ZNRF3: variants seen among roughly 807,000 people sequenced by gnomAD.
The protein encoded by ZNRF3 is E3 ubiquitin-protein ligase ZNRF3.
ZNRF3 carries 23 observed loss-of-function variants against 72.5 expected under a neutral mutation model. The ratio of observed to expected loss-of-function variants is 0.32; its 90% CI spans 0.23 to 0.45. ZNRF3 has a LOEUF of 0.45. Among genes scored for constraint, ZNRF3 ranks in the 20% least tolerant of loss-of-function variants. ZNRF3 has a pLI of 1.00. For missense variants in ZNRF3, 1,169 were observed against 1,272.1 expected (o/e 0.92, Z 1.23); for synonymous variants, 610 against 545.3 (o/e 1.12, Z -1.65).
chr22:28,938,744 G>C (rs750185162), intron 1 of ZNRF3, among the ~76,000 whole-genome samples: 1 of 152,072 alleles, frequency 6.6e-6, no homozygotes, highest in Non-Finnish European at 1.5e-5. Flanking sequence ...TATAGCTGAG[G>C]GGAGATGTAT....
In ZNRF3 at chr22:28,966,867, C is replaced by CTTTTTTTTT. The variant is rs530036984; in HGVS notation, c.301-20195_301-20187dup. Among the ~76,000 whole-genome samples the CTTTTTTTTT allele has an allele frequency of 9.4e-4, 96 of 102,434 alleles. 8 individuals are homozygous for CTTTTTTTTT. The highest frequency in any genetic ancestry group is 3.6e-3 in the African/African-American group (90 of 25,040). The allele number at this position is 102,434 out of a possible 152,430, so 67.2% of individuals were successfully genotyped here. A position where few individuals can be genotyped will look rare whatever the true frequency, so the allele number is the denominator to read the frequency against. On this transcript the variant is annotated intron_variant, in intron 1 of 8. Coordinates refer to ENST00000544604, the MANE Select transcript of ZNRF3 (RefSeq NM_001206998.2). The stretch of plus-strand genomic sequence containing the variant: ...GTTACAGGCACATAGTTTTAAAAAT[C>CTTTTTTTTT]TTTTTTTTTTTTTTTTTTTTTTGAG...
At chr22:28,923,886 G>A (rs1569247456) in intron 1 of ZNRF3, among the ~76,000 whole-genome samples, 2 of 152,264 alleles carry the variant, frequency 1.3e-5, no homozygotes, top group Non-Finnish European at 2.9e-5. Flanking sequence ...GGTCTGGGGT[G>A]GAGCCCAAGT....
At chr22:29,040,212 C>T (rs1341214570) in intron 2 of ZNRF3, among the ~76,000 whole-genome samples, 1 of 151,622 alleles carries the variant, frequency 6.6e-6, no homozygotes, top group Non-Finnish European at 1.5e-5. Context: ...CAGAGTCTCA[C>T]TCTGTCGCCC....
chr22:28,980,853 T>A (rs2123822321), intron 1 of ZNRF3, among the ~76,000 whole-genome samples: 1 of 152,314 alleles, frequency 6.6e-6, no homozygotes, highest in Middle Eastern at 3.4e-3. Flanking sequence ...TCTATTTGAT[T>A]TTTTTCTTTA....
At chr22:28,937,947 C>T (rs1396664587) in intron 1 of ZNRF3, among the ~76,000 whole-genome samples, 1 of 152,220 alleles carries the variant, frequency 6.6e-6, no homozygotes, top group Non-Finnish European at 1.5e-5. Context: ...GTATACCCAG[C>T]ACCCAGTTTC....
At chr22:28,995,603 A>G (rs2036033560) in intron 2 of ZNRF3, among the ~76,000 whole-genome samples, 1 of 152,182 alleles carries the variant, frequency 6.6e-6, no homozygotes, top group Non-Finnish European at 1.5e-5. Context: ...CAAACCTCTC[A>G]GAATTTGGGC....
At chr22:29,041,042 G>A (rs375078469) in intron 2 of ZNRF3, among the ~76,000 whole-genome samples, 2 of 152,110 alleles carry the variant, frequency 1.3e-5, no homozygotes, top group Non-Finnish European at 1.5e-5. Flanking sequence ...TCATTTGCGC[G>A]TCTTATAGAA....
chr22:28,951,052 TA>T lies in ZNRF3; in HGVS notation c.301-36017del, dbSNP rs538930477. Among the ~76,000 whole-genome samples, 120 of 152,324 alleles carry T rather than the reference TA, an allele frequency of 7.9e-4. No individual in the cohort carries two copies. In the East Asian group the frequency reaches 0.013, roughly 16 times the overall value. On this transcript the variant is annotated intron_variant, in intron 1 of 8. Transcript: ENST00000544604. Reference sequence around the variant, plus strand: ...TCTCTCCCACATCTTTCTACCCACTTAAAAAAATTATTCATTTAACTTATTC... The same window carrying T: ...TCTCTCCCACATCTTTCTACCCACTTAAAAAATTATTCATTTAACTTATTC...
chr22:28,964,183 C>CT (rs1313584202), intron 1 of ZNRF3, among the ~76,000 whole-genome samples: 1 of 152,082 alleles, frequency 6.6e-6, no homozygotes, highest in Non-Finnish European at 1.5e-5. Context: ...CCAGGCGGCT[C>CT]TAAGTTCACA....
chr22:28,926,739 C>T (rs1237901154), intron 1 of ZNRF3, among the ~76,000 whole-genome samples: 1 of 145,152 alleles, frequency 6.9e-6, no homozygotes, highest in Non-Finnish European at 1.5e-5. Flanking sequence ...GCGGAGGTTA[C>T]AGTGAGCCAA....
intron 2 of ZNRF3, among the ~76,000 whole-genome samples, chr22:28,991,999 A>C (rs1276318085): frequency 6.6e-6 from 1 of 151,828 alleles, no homozygotes; most frequent in Non-Finnish European, 1.5e-5. Context: ...AAAAAAAAAA[A>C]ATAATAAGCT....
intron 1 of ZNRF3, among the ~76,000 whole-genome samples, chr22:28,964,562 C>T (rs755438367): frequency 1.1e-4 from 16 of 152,180 alleles, no homozygotes; most frequent in Non-Finnish European, 2.2e-4. Flanking sequence ...TGTGATCCTC[C>T]TGGAACAGGA....
At chr22:29,038,724 T>G (rs933683854) in intron 2 of ZNRF3, among the ~76,000 whole-genome samples, 1 of 152,170 alleles carries the variant, frequency 6.6e-6, no homozygotes, top group African/African-American at 2.4e-5. Context: ...CTAAGCTGGC[T>G]TCTGACAGGC....
intron 4 of ZNRF3, among the ~76,000 whole-genome samples, chr22:29,044,394 C>T (rs959497577): frequency 1.3e-5 from 2 of 152,188 alleles, no homozygotes; most frequent in Middle Eastern, 3.2e-3. Flanking sequence ...ATTAATTATA[C>T]GGTTAGTAAT....
Position 29,054,980 on chromosome 22 carries a change from CAG to C in ZNRF3, c.*1372_*1373del, listed in dbSNP as rs137858476. The C allele has an allele frequency of 2.8e-4, 42 of 151,146 alleles. No individual in the cohort carries two copies. The highest frequency in any genetic ancestry group is 6.3e-4 in the African/African-American group (26 of 41,286). 9.4% of individuals were successfully genotyped at this position (151,146 alleles called of 1,614,324 possible). A position where few individuals can be genotyped will look rare whatever the true frequency, so the allele number is the denominator to read the frequency against. ...TATTATGTATTGATTCTCCATGAGA[CAG>C]AGAGAGAGAGAGACTATCAGATAGT... On this transcript the variant is annotated 3_prime_UTR_variant, in exon 9 of 9. Transcript: ENST00000544604.
chr22:29,003,526 AAAG>A (rs2036190306), intron 2 of ZNRF3, among the ~76,000 whole-genome samples: 1 of 151,480 alleles, frequency 6.6e-6, no homozygotes, highest in South Asian at 2.1e-4. Context: ...AAAAAAAAAA[AAAG>A]AATCCATTTG....
At chr22:28,924,249 T>G (rs1405201314) in intron 1 of ZNRF3, among the ~76,000 whole-genome samples, 1 of 152,234 alleles carries the variant, frequency 6.6e-6, no homozygotes, top group Non-Finnish European at 1.5e-5. Flanking sequence ...GCAGGAATGC[T>G]GCAAGTGACT....
Position 29,049,495 on chromosome 22 carries a change from G to C in ZNRF3, c.1314G>C (p.Arg438=). Residue 438 remains arginine, a synonymous_variant, in exon 8 of 9, where the codon CGG becomes CGC. Transcript: ENST00000544604. The surrounding 1 kb of genome is among the most constrained non-coding windows in gnomAD (Gnocchi z 5.2). ...LAAHRCGLEH[R]AYSPAHPFRR... Reference sequence around the variant, plus strand: ...CTCACCGCTGCGGCCTGGAGCACCGGGCCTACTCCCCAGCCCACCCCTTCC... The same window carrying C: ...CTCACCGCTGCGGCCTGGAGCACCGCGCCTACTCCCCAGCCCACCCCTTCC... The C allele has an allele frequency of 6.2e-7, 1 of 1,604,848 alleles. No homozygotes were observed. The highest frequency in any genetic ancestry group is 8.5e-7 in the Non-Finnish European group (1 of 1,179,660).
intron 1 of ZNRF3, among the ~76,000 whole-genome samples, chr22:28,936,010 G>A (rs2123782501): frequency 6.6e-6 from 1 of 152,278 alleles, no homozygotes; most frequent in Non-Finnish European, 1.5e-5. Flanking sequence ...GGGGTGCAGA[G>A]TGAACATAGT....
Sources: gnomAD v4.1 joint callset for allele counts (sites outside exome capture counted in the v4.1 genomes callset) on GRCh38, gnomAD v4.1.1 for gene constraint, Gnocchi (gnomAD v3.1) non-coding constraint, MANE v1.5 for transcripts, NCBI Gene and HGNC (gene_info 2026-07-23, HGNC 2026-07-21) for gene names.